FERRY3: variants seen among roughly 807,000 people sequenced by gnomAD.
FERRY3 encodes protein C12orf4.
chr12:4,498,761 T>C, the FERRY3 span, among the ~76,000 whole-genome samples: 1 of 152,204 alleles, frequency 6.6e-6, no homozygotes, highest in Non-Finnish European at 1.5e-5. Flanking sequence ...ATAGCAGGGA[T>C]GGTTTCAGGA....
chr12:4,535,321 T>C, the FERRY3 span, among the ~76,000 whole-genome samples: 1 of 152,212 alleles, frequency 6.6e-6, no homozygotes, highest in African/African-American at 2.4e-5. The surrounding 1 kb of genome is among the most constrained non-coding windows in gnomAD (Gnocchi z 4.0). Flanking sequence ...GCCCGAGAAT[T>C]TGCATGTCTA....
chr12:4,488,642 T>C, the FERRY3 span: 1 of 152,218 alleles, frequency 6.6e-6, no homozygotes, highest in Non-Finnish European at 1.5e-5. This position sits in a 1 kb window ranked among gnomAD's most constrained non-coding sequence, Gnocchi z 4.9. Context: ...GTTTCTATAA[T>C]AGTTATTACA....
chr12:4,493,150 T>C, the FERRY3 span, among the ~76,000 whole-genome samples: 2 of 152,192 alleles, frequency 1.3e-5, no homozygotes, highest in Non-Finnish European at 2.9e-5. Flanking sequence ...ATGTCTCCAT[T>C]TTCTGAACTC....
chr12:4,506,537 A>C, the FERRY3 span, among the ~76,000 whole-genome samples: 1 of 152,192 alleles, frequency 6.6e-6, no homozygotes, highest in Admixed American at 6.5e-5. Flanking sequence ...CTTTGAATAG[A>C]TGTCTAATCG....
At chr12:4,500,111 A>C in the FERRY3 span, 94 of 1,570,506 alleles carry the variant, frequency 6.0e-5, no homozygotes, top group Non-Finnish European at 7.5e-5. Context: ...TAAATCATAA[A>C]ATTACAGGAT....
the FERRY3 span, among the ~76,000 whole-genome samples, chr12:4,526,714 C>T: frequency 2.0e-5 from 3 of 151,748 alleles, no homozygotes; most frequent in South Asian, 2.1e-4. Flanking sequence ...TGGTAGCGGG[C>T]GCCTGTAATC....
chr12:4,490,465 T>A, the FERRY3 span: 1 of 1,371,222 alleles, frequency 7.3e-7, no homozygotes, highest in Non-Finnish European at 1.0e-6. Flanking sequence ...TAGCTGTATC[T>A]GTGAGAAATC....
At chr12:4,509,407 A>C in the FERRY3 span, 1 of 152,408 alleles carries the variant, frequency 6.6e-6, no homozygotes, top group African/African-American at 2.5e-5. Context: ...CAGCTCAAGG[A>C]GGCCTGCCTG....
At chr12:4,494,996 A>G in the FERRY3 span, among the ~76,000 whole-genome samples, 3 of 152,154 alleles carry the variant, frequency 2.0e-5, no homozygotes, top group Admixed American at 2.0e-4. Flanking sequence ...TCTCTCAGCA[A>G]TGTTTTATAG....
chr12:4,501,677 T>G, the FERRY3 span, among the ~76,000 whole-genome samples: 1 of 152,232 alleles, frequency 6.6e-6, no homozygotes, highest in Non-Finnish European at 1.5e-5. Context: ...ATCATCCAGT[T>G]GCAGGAAAAC....
the FERRY3 span, chr12:4,502,318 G>A: frequency 3.2e-5 from 13 of 406,904 alleles, no homozygotes; most frequent in East Asian, 1.5e-4. The surrounding 1 kb of genome is among the most constrained non-coding windows in gnomAD (Gnocchi z 4.2). Context: ...CACCTGGCAC[G>A]TAGAAGGTAC....
chr12:4,493,232 A>C, the FERRY3 span, among the ~76,000 whole-genome samples: 5 of 152,200 alleles, frequency 3.3e-5, no homozygotes, highest in African/African-American at 1.2e-4. Flanking sequence ...AGGAGGGCAG[A>C]GGAATGGGCA....
chr12:4,503,672 T>C, the FERRY3 span, among the ~76,000 whole-genome samples: 2 of 152,318 alleles, frequency 1.3e-5, no homozygotes, highest in East Asian at 3.9e-4. Flanking sequence ...CCTCCTGATT[T>C]GGTTGTAATA....
the FERRY3 span, chr12:4,529,816 A>G: frequency 2.1e-6 from 3 of 1,402,124 alleles, no homozygotes; most frequent in Non-Finnish European, 1.9e-6. Context: ...TCTGCAGGCC[A>G]TCTATTTGAC....
chr12:4,516,068 A>G, the FERRY3 span, among the ~76,000 whole-genome samples: 3 of 152,212 alleles, frequency 2.0e-5, no homozygotes, highest in Admixed American at 6.5e-5. Context: ...AAAAGAACCA[A>G]AAATAATTCA....
chr12:4,501,402 G>A, the FERRY3 span, among the ~76,000 whole-genome samples: 2 of 152,086 alleles, frequency 1.3e-5, no homozygotes, highest in Admixed American at 6.5e-5. Flanking sequence ...GACTGGCACC[G>A]TCCATCACCT....
the FERRY3 span, chr12:4,517,265 A>G: frequency 7.6e-7 from 1 of 1,309,046 alleles, no homozygotes; most frequent in Non-Finnish European, 1.0e-6. Context: ...AATGAGATTT[A>G]GTAGAAAAAG....
At chr12:4,514,528 A>T in the FERRY3 span, among the ~76,000 whole-genome samples, 106 of 152,252 alleles carry the variant, frequency 7.0e-4, no homozygotes, top group African/African-American at 2.5e-3. Context: ...AGATTAAGAA[A>T]ATGTGGCACA....
chr12:4,508,304 TC>T, the FERRY3 span, among the ~76,000 whole-genome samples: 6 of 152,224 alleles, frequency 3.9e-5, no homozygotes, highest in African/African-American at 1.4e-4. Flanking sequence ...TACAATGGTT[TC>T]TTTAAACACA....
Sources: gnomAD v4.1 joint callset for allele counts (sites outside exome capture counted in the v4.1 genomes callset) on GRCh38, gnomAD v4.1.1 for gene constraint, Gnocchi (gnomAD v3.1) non-coding constraint, MANE v1.5 for transcripts, NCBI Gene and HGNC (gene_info 2026-07-23, HGNC 2026-07-21) for gene names.